Variants in FGD4 observed in about 807,000 individuals in gnomAD.
FGD4 encodes the protein FYVE, RhoGEF and PH domain containing 4.
FGD4 carries 42 observed loss-of-function variants against 102.0 expected under a neutral mutation model. That is an observed-to-expected ratio of 0.41 (90% CI 0.32 to 0.53). The LOEUF (loss-of-function observed/expected upper bound fraction) is 0.53, where lower values mean the gene tolerates loss of function less well. Among genes scored for constraint, FGD4 ranks in the 20% least tolerant of loss-of-function variants. The pLI is 0.21. For synonymous variants in FGD4, 380 were observed against 375.7 expected (o/e 1.01, Z -0.13); for missense variants, 902 against 1,078.2 (o/e 0.84, Z 2.29).
chr12:32,605,579 A>G (rs1948726365), intron 7 of FGD4, among the ~76,000 whole-genome samples: 1 of 152,222 alleles, frequency 6.6e-6, no homozygotes, highest in Non-Finnish European at 1.5e-5. Context: ...TCTAGGTACA[A>G]ACAGCTGAGC....
intron 1 of FGD4, among the ~76,000 whole-genome samples, chr12:32,469,228 A>C (rs1356076230): frequency 6.6e-6 from 1 of 152,090 alleles, no homozygotes; most frequent in Non-Finnish European, 1.5e-5. Flanking sequence ...TTTTTTATTT[A>C]TATATACTAG....
intron 1 of FGD4, among the ~76,000 whole-genome samples, chr12:32,499,257 C>G (rs1938017305): frequency 6.6e-6 from 1 of 152,176 alleles, no homozygotes; most frequent in Non-Finnish European, 1.5e-5. Flanking sequence ...ATCTTAAGAA[C>G]CTTTATGGGG....
intron 1 of FGD4, among the ~76,000 whole-genome samples, chr12:32,522,037 G>A (rs572930534): frequency 5.3e-5 from 8 of 152,186 alleles, no homozygotes; most frequent in Non-Finnish European, 4.4e-5. Flanking sequence ...CCATTTAAAC[G>A]TGCATATGAT....
chr12:32,511,259 T>C (rs995679131), intron 1 of FGD4: 4 of 152,256 alleles, frequency 2.6e-5, no homozygotes, highest in African/African-American at 9.6e-5. Context: ...TAAATCTGCT[T>C]GCTTGTGGGC....
intron 1 of FGD4, among the ~76,000 whole-genome samples, chr12:32,528,315 C>T (rs1941465120): frequency 6.6e-6 from 1 of 152,184 alleles, no homozygotes; most frequent in African/African-American, 2.4e-5. Flanking sequence ...CCATCACCCT[C>T]ATATCGAAAT....
intron 7 of FGD4, 28 bp downstream of exon 7, chr12:32,602,345 T>A (rs1158734989): frequency 6.2e-7 from 1 of 1,612,650 alleles, no homozygotes; most frequent in Admixed American, 1.7e-5. Flanking sequence ...TTCAAAGCTA[T>A]GAATTACTAT....
chr12:32,636,175 C>T (rs944759640), intron 15 of FGD4, among the ~76,000 whole-genome samples: 2 of 152,010 alleles, frequency 1.3e-5, no homozygotes, highest in Non-Finnish European at 2.9e-5. Context: ...GCTCATGGGC[C>T]ATACAAAAAC....
intron 7 of FGD4, among the ~76,000 whole-genome samples, chr12:32,607,443 A>G (rs76533560): frequency 0.014 from 2,105 of 152,266 alleles, 16 homozygotes; most frequent in Middle Eastern, 0.031. Flanking sequence ...AAAAAAATGC[A>G]TATTCTCCAT....
chr12:32,407,972 CTTTATTTATTTA>C (rs59676286), intron 1 of FGD4, among the ~76,000 whole-genome samples: 9,329 of 145,518 alleles, frequency 0.064, 416 homozygotes, highest in Middle Eastern at 0.17. Context: ...TAATCCTAGA[CTTTATTTATTTA>C]TTTATTTATT....
At chr12:32,433,116 C>T (rs918850470) in intron 1 of FGD4, among the ~76,000 whole-genome samples, 13 of 152,046 alleles carry the variant, frequency 8.6e-5, no homozygotes, top group Admixed American at 5.9e-4. Context: ...CATGCCTCAG[C>T]CTCCGAAAAA....
At chr12:32,417,351 ATT>A (rs1009485263) in intron 1 of FGD4, among the ~76,000 whole-genome samples, 1 of 150,266 alleles carries the variant, frequency 6.7e-6, no homozygotes, top group South Asian at 2.1e-4. Flanking sequence ...TCTAGGGTAA[ATT>A]TTTTTTTTCT....
chr12:32,524,588 G>A (rs977638233), intron 1 of FGD4, among the ~76,000 whole-genome samples: 1 of 151,796 alleles, frequency 6.6e-6, no homozygotes, highest in East Asian at 1.9e-4. Flanking sequence ...ACTTTGGGGG[G>A]CCAAGATGGG....
chr12:32,470,552 C>G (rs1043946495), intron 1 of FGD4, among the ~76,000 whole-genome samples: 1 of 145,298 alleles, frequency 6.9e-6, no homozygotes, highest in Non-Finnish European at 1.5e-5. Flanking sequence ...CTCCTGGGTT[C>G]AAGCGATTCT....
intron 1 of FGD4, among the ~76,000 whole-genome samples, chr12:32,442,274 T>C (rs994493759): frequency 3.3e-5 from 5 of 151,982 alleles, no homozygotes; most frequent in Non-Finnish European, 5.9e-5. Flanking sequence ...ATGATGGTCT[T>C]GATCTCCTGA....
intron 1 of FGD4, among the ~76,000 whole-genome samples, chr12:32,457,833 A>G (rs868578610): frequency 5.9e-5 from 9 of 152,298 alleles, no homozygotes; most frequent in Middle Eastern, 3.4e-3. Flanking sequence ...TAGGGCTGAA[A>G]GGGACCTTGG....
rs112755184 is a variant in FGD4, at chr12:32,552,248, A to G, written c.167-11889A>G. Among the ~76,000 whole-genome samples the G allele has an allele frequency of 7.8e-3, 1,189 of 151,932 alleles. 22 individuals carry two copies. Among genetic ancestry groups the G allele is most frequent in the African/African-American group, 0.027 (1,134 of 41,472 alleles). On this transcript the variant is annotated intron_variant, in intron 1 of 16. Coordinates refer to ENST00000534526, the MANE Select transcript of FGD4 (RefSeq NM_001370298.3). ...ACTGTAAATAGCTAGATCTTTCTGT[A>G]ATCTTTATTTGTTTCTTTGTTTGTT... is the stretch of plus-strand genomic sequence containing the variant.
At chr12:32,589,104 G>A (rs1947272655) in intron 4 of FGD4, among the ~76,000 whole-genome samples, 1 of 152,154 alleles carries the variant, frequency 6.6e-6, no homozygotes, top group Admixed American at 6.5e-5. Flanking sequence ...TATCTACCTT[G>A]TAACATTATG....
At chr12:32,595,850 A>G (rs1171406961) in intron 4 of FGD4, among the ~76,000 whole-genome samples, 1 of 152,202 alleles carries the variant, frequency 6.6e-6, no homozygotes, top group Non-Finnish European at 1.5e-5. Context: ...TTTAAACACT[A>G]TTATATTGCT....
chr12:32,408,842 T>C (rs1313098025), intron 1 of FGD4, among the ~76,000 whole-genome samples: 2 of 152,196 alleles, frequency 1.3e-5, no homozygotes, highest in Non-Finnish European at 2.9e-5. Flanking sequence ...TCTGATGACC[T>C]GAGATATCTT....
Sources: allele counts gnomAD v4.1 joint callset (sites outside exome capture counted in the v4.1 genomes callset), GRCh38; gene constraint gnomAD v4.1.1; transcripts MANE v1.5; gene names NCBI Gene and HGNC (gene_info 2026-07-23, HGNC 2026-07-21).